Variants in ARHGAP15 observed in about 807,000 individuals in gnomAD.
ARHGAP15 encodes the protein rho GTPase-activating protein 15.
In ARHGAP15, 51 loss-of-function variants were observed where a neutral mutation model predicts 63.7. The ratio of observed to expected loss-of-function variants is 0.80; its 90% CI spans 0.64 to 1.01. The LOEUF is 1.01. Ranked by LOEUF, ARHGAP15 falls within the 50% of genes least tolerant of loss-of-function variation. The probability of loss-of-function intolerance (pLI) is 0.00; values close to 1 mark genes in which losing one functional copy is unlikely to be tolerated. For missense variants in ARHGAP15, 560 were observed against 564.6 expected (o/e 0.99, Z 0.08); for synonymous variants, 191 against 193.8 (o/e 0.99, Z 0.12).
intron 8 of ARHGAP15, among the ~76,000 whole-genome samples, chr2:143,448,663 G>A (rs1690256377): frequency 6.6e-6 from 1 of 151,880 alleles, no homozygotes; most frequent in African/African-American, 2.4e-5. Context: ...CCATCAGGAT[G>A]CCAAGGAGCT....
At chr2:143,746,900 A>G (rs1231534695) in intron 13 of ARHGAP15, among the ~76,000 whole-genome samples, 1 of 152,210 alleles carries the variant, frequency 6.6e-6, no homozygotes, top group Non-Finnish European at 1.5e-5. Flanking sequence ...TAGTAGTAAT[A>G]TAAGTGCAAA....
chr2:143,692,990 G>A (rs2105398261), intron 12 of ARHGAP15, among the ~76,000 whole-genome samples: 1 of 152,014 alleles, frequency 6.6e-6, no homozygotes, highest in Middle Eastern at 3.4e-3. Context: ...AAGGAAGAGG[G>A]GTCTACTTTG....
At chr2:143,445,150 A>AT (rs1347400449) in intron 8 of ARHGAP15, among the ~76,000 whole-genome samples, 34 of 71,370 alleles carry the variant, frequency 4.8e-4, no homozygotes, top group African/African-American at 1.7e-3. Flanking sequence ...ATTAAGAACA[A>AT]TTATTTTTTT....
intron 6 of ARHGAP15, among the ~76,000 whole-genome samples, chr2:143,295,227 C>T (rs1004161443): frequency 1.3e-5 from 2 of 151,984 alleles, no homozygotes; most frequent in Non-Finnish European, 2.9e-5. Context: ...GAAAAGGTTT[C>T]TTCCTGAAAG....
In ARHGAP15 at chr2:143,208,028, G is replaced by GT. The variant is rs1692410653; in HGVS notation, c.234+5827dup. Among the ~76,000 whole-genome samples, 3 of 152,200 alleles carry GT rather than the reference G, an allele frequency of 2.0e-5. No individual in the cohort carries two copies. The South Asian group carries it at 6.2e-4, about 32-fold the overall frequency. ...CCAGAGTCATCCAGGAGTCCTGGCA[G>GT]TAGTTTCCTTGGCTGTACCTACCAG... is the stretch of plus-strand genomic sequence containing the variant. On this transcript the variant is annotated intron_variant, in intron 3 of 13. Coordinates refer to ENST00000295095, the MANE Select transcript of ARHGAP15 (RefSeq NM_018460.4).
At chr2:143,404,583 GT>G (rs530974777) in intron 6 of ARHGAP15, among the ~76,000 whole-genome samples, 14 of 151,970 alleles carry the variant, frequency 9.2e-5, no homozygotes, top group Middle Eastern at 3.4e-3. Context: ...GTTAGTATTA[GT>G]TGATTAATAT....
At chr2:143,681,577 C>T (rs570724509) in intron 12 of ARHGAP15, among the ~76,000 whole-genome samples, 1 of 152,082 alleles carries the variant, frequency 6.6e-6, no homozygotes, top group East Asian at 1.9e-4. Context: ...CAGGTTTGAT[C>T]GGAATTTTCT....
chr2:143,339,131 A>C (rs12471320), intron 6 of ARHGAP15, among the ~76,000 whole-genome samples: 19,545 of 152,046 alleles, frequency 0.13, 1,605 homozygotes, highest in Non-Finnish European at 0.16. Context: ...GCCAACTTCT[A>C]ATATTTAATT....
At chr2:143,724,186 C>T (rs1308657617) in intron 13 of ARHGAP15, among the ~76,000 whole-genome samples, 1 of 152,024 alleles carries the variant, frequency 6.6e-6, no homozygotes, top group Non-Finnish European at 1.5e-5. Context: ...ACATTAAATC[C>T]AGTAGCTGGA....
intron 8 of ARHGAP15, among the ~76,000 whole-genome samples, chr2:143,486,360 C>T (rs1330148790): frequency 1.3e-5 from 2 of 148,990 alleles, no homozygotes; most frequent in East Asian, 2.0e-4. Context: ...CACTTGAGCC[C>T]AGGAGTTCGA....
intron 8 of ARHGAP15, among the ~76,000 whole-genome samples, chr2:143,456,857 T>A (rs1690681703): frequency 6.6e-6 from 1 of 151,894 alleles, no homozygotes; most frequent in Non-Finnish European, 1.5e-5. Context: ...TGTGCAGATA[T>A]AATGCATGTA....
intron 9 of ARHGAP15, among the ~76,000 whole-genome samples, chr2:143,508,459 T>C (rs1223655353): frequency 1.3e-5 from 2 of 152,246 alleles, no homozygotes; most frequent in Non-Finnish European, 2.9e-5. Flanking sequence ...ATATAGACTC[T>C]GTGAAGACAG....
At chr2:143,601,473 C>A (rs963462058) in intron 11 of ARHGAP15, 1 of 152,066 alleles carries the variant, frequency 6.6e-6, no homozygotes, top group African/African-American at 2.4e-5. Context: ...TTCAAATACA[C>A]GAGGGCAGAA....
chr2:143,154,564 CAAG>C (rs1438045540), intron 1 of ARHGAP15, among the ~76,000 whole-genome samples: 1 of 151,882 alleles, frequency 6.6e-6, no homozygotes, highest in African/African-American at 2.4e-5. Context: ...AAGAATCAGA[CAAG>C]AAGAGGGCTG....
intron 12 of ARHGAP15, among the ~76,000 whole-genome samples, chr2:143,629,634 A>C (rs1433537367): frequency 6.6e-6 from 1 of 152,184 alleles, no homozygotes; most frequent in Non-Finnish European, 1.5e-5. Flanking sequence ...GAAAAAAGAC[A>C]ACAAGCAATG....
chr2:143,364,991 G>A (rs550284016), intron 6 of ARHGAP15, among the ~76,000 whole-genome samples: 1 of 151,962 alleles, frequency 6.6e-6, no homozygotes, highest in South Asian at 2.1e-4. Context: ...TGGCAACAGA[G>A]CGAGACTCTG....
intron 13 of ARHGAP15, among the ~76,000 whole-genome samples, chr2:143,735,694 G>A (rs1429345968): frequency 6.6e-6 from 1 of 152,140 alleles, no homozygotes; most frequent in East Asian, 1.9e-4. Context: ...CAGACTAGAA[G>A]TGAGGGAGAA....
chr2:143,313,785 T>C (rs1397039965), intron 6 of ARHGAP15, among the ~76,000 whole-genome samples: 2 of 152,150 alleles, frequency 1.3e-5, no homozygotes, highest in African/African-American at 4.8e-5. Flanking sequence ...ACATTGTCGT[T>C]TCTTTAATTA....
rs531305353 is a variant in ARHGAP15, at chr2:143,387,928, C to T, written c.475-47673C>T. ...ATGCCTGCACACACACACACACACA[C>T]GCATGCATGCACATACACACACAAG... On this transcript the variant is annotated intron_variant, in intron 6 of 13. Coordinates refer to ENST00000295095, the MANE Select transcript of ARHGAP15 (RefSeq NM_018460.4). Among the ~76,000 whole-genome samples, 132 of 151,770 alleles carry T rather than the reference C, an allele frequency of 8.7e-4. 1 individual carries two copies. Among genetic ancestry groups the T allele is most frequent in the African/African-American group, 2.9e-3 (119 of 41,258 alleles).
Sources: gnomAD v4.1 joint callset for allele counts (sites outside exome capture counted in the v4.1 genomes callset) on GRCh38, gnomAD v4.1.1 for gene constraint, MANE v1.5 for transcripts, NCBI Gene and HGNC (gene_info 2026-07-23, HGNC 2026-07-21) for gene names.